The following TENM1 variants were observed in gnomAD, a reference collection of about 807,000 sequenced individuals.
TENM1 encodes the protein teneurin transmembrane protein 1.
In TENM1, 35 loss-of-function variants were observed where a neutral mutation model predicts 174.8. The ratio of observed to expected loss-of-function variants is 0.20; its 90% CI spans 0.15 to 0.27. The LOEUF (loss-of-function observed/expected upper bound fraction) is 0.27, where lower values mean the gene tolerates loss of function less well. Among genes scored for constraint, TENM1 ranks in the 10% least tolerant of loss-of-function variants. The pLI, the probability that TENM1 is intolerant of heterozygous loss-of-function variation, is 1.00. For missense variants in TENM1, 1,633 were observed against 2,130.1 expected, an observed-to-expected ratio of 0.77 and a Z score of 4.59; for synonymous variants, 781 against 798.7, an observed-to-expected ratio of 0.98 and a Z score of 0.37.
At chrX:124,848,981 T>C (rs1411151917) in intron 3 of TENM1, among the ~76,000 whole-genome samples, 2 of 111,638 alleles carry the variant, frequency 1.8e-5, no homozygotes, top group Admixed American at 9.5e-5. Flanking sequence ...TGGTTTAATT[T>C]TTCTTGTTTT....
chrX:124,411,548 C>T (rs994829807), intron 25 of TENM1, among the ~76,000 whole-genome samples: 14 of 111,754 alleles, frequency 1.3e-4, no homozygotes, highest in Admixed American at 9.5e-5. Flanking sequence ...AACTCCAACA[C>T]ACTCACATAC....
intron 11 of TENM1, among the ~76,000 whole-genome samples, chrX:124,587,221 G>T (rs1176746819): frequency 3.6e-5 from 4 of 110,072 alleles, no homozygotes; most frequent in African/African-American, 1.0e-4. Flanking sequence ...AAAAGAGCCC[G>T]CATTGCCAAG....
chrX:125,151,642 T>C, the TENM1 span, among the ~76,000 whole-genome samples: 2 of 112,256 alleles, frequency 1.8e-5, no homozygotes, highest in Non-Finnish European at 3.8e-5. Flanking sequence ...TGATTGTATC[T>C]TTTCAGTGAA....
At chrX:124,632,012 A>C (rs2050771905) in intron 11 of TENM1, among the ~76,000 whole-genome samples, 1 of 103,919 alleles carries the variant, frequency 9.6e-6, no homozygotes, top group Admixed American at 1.0e-4. Flanking sequence ...TCCCGGGTTC[A>C]AGCAATTCTC....
rs144380285 is a variant in TENM1 at position 124,817,943 on chromosome X, T to C, written c.535+76353A>G. Among the ~76,000 whole-genome samples, 429 of 111,837 alleles carry C rather than the reference T, an allele frequency of 3.8e-3. 2 individuals are homozygous for C. The highest frequency in any genetic ancestry group is 0.013 in the African/African-American group (413 of 30,875). On this transcript the variant is annotated intron_variant, in intron 3 of 31. Transcript: ENST00000422452. ...AGATACTGCATAAAACAATTGATGC[T>C]TGGAGTTTCATCTGGGGCCCTGAGA...
intron 3 of TENM1, among the ~76,000 whole-genome samples, chrX:124,851,070 T>A (rs2056711026): frequency 1.8e-5 from 2 of 112,043 alleles, no homozygotes; most frequent in Admixed American, 1.9e-4. Flanking sequence ...CTCTTCACTT[T>A]ATCAGCCAAA....
the TENM1 span, among the ~76,000 whole-genome samples, chrX:125,148,758 C>T: frequency 8.9e-6 from 1 of 111,734 alleles, no homozygotes; most frequent in Admixed American, 9.6e-5. Flanking sequence ...TTCTCTGTTG[C>T]TCCTTATTCT....
chrX:124,604,528 A>G (rs991788153), intron 11 of TENM1, among the ~76,000 whole-genome samples: 1 of 110,964 alleles, frequency 9.0e-6, no homozygotes, highest in Non-Finnish European at 1.9e-5. Flanking sequence ...CAGGTCCAAA[A>G]TCGTTGATGT....
the TENM1 span, among the ~76,000 whole-genome samples, chrX:125,014,709 G>A: frequency 4.5e-5 from 5 of 111,428 alleles, no homozygotes; most frequent in African/African-American, 6.5e-5. Context: ...CTGATTCTCA[G>A]TTGGGGGCCT....
chrX:124,564,511 C>T (rs2048897939), intron 12 of TENM1, among the ~76,000 whole-genome samples: 1 of 110,912 alleles, frequency 9.0e-6, no homozygotes, highest in Non-Finnish European at 1.9e-5. Flanking sequence ...TCTGTGTAGT[C>T]AAGGAATGCC....
At chrX:124,893,514 A>G (rs1055613178) in intron 3 of TENM1, among the ~76,000 whole-genome samples, 21 of 112,558 alleles carry the variant, frequency 1.9e-4, no homozygotes, top group Non-Finnish European at 2.4e-4. Flanking sequence ...CCTACATGTT[A>G]AAAACACTGT....
At chrX:124,643,203 T>A (rs990307303) in intron 10 of TENM1, among the ~76,000 whole-genome samples, 1 of 112,062 alleles carries the variant, frequency 8.9e-6, no homozygotes, top group East Asian at 2.8e-4. Flanking sequence ...AATAATAATT[T>A]TAATAAAGTA....
At chrX:124,898,798 A>T (rs2057606796) in intron 1 of TENM1, among the ~76,000 whole-genome samples, 1 of 112,153 alleles carries the variant, frequency 8.9e-6, no homozygotes. Context: ...TAATCTGATT[A>T]AAAATTACAT....
intron 11 of TENM1, among the ~76,000 whole-genome samples, chrX:124,592,296 G>A (rs983678440): frequency 6.3e-5 from 7 of 111,314 alleles, no homozygotes; most frequent in African/African-American, 2.0e-4. Flanking sequence ...TGAAGCTGTC[G>A]CTACATTCAG....
chrX:124,484,335 C>T (rs1209629882), intron 21 of TENM1, among the ~76,000 whole-genome samples: 1 of 111,666 alleles, frequency 9.0e-6, no homozygotes, highest in Non-Finnish European at 1.9e-5. Context: ...TGTAAAGATA[C>T]TCTTTCTCCC....
chrX:124,713,784 A>C (rs890076573), intron 4 of TENM1, among the ~76,000 whole-genome samples: 1 of 112,057 alleles, frequency 8.9e-6, no homozygotes, highest in African/African-American at 3.2e-5. Context: ...ATGGGTCTTG[A>C]ATCACTATGC....
intron 29 of TENM1, 117 bp downstream of exon 32, chrX:124,385,560 G>T: frequency 1.5e-6 from 1 of 674,458 alleles, no homozygotes; most frequent in Non-Finnish European, 2.2e-6. Context: ...GATAAGTAAA[G>T]TGAAAGTTGG....
intron 25 of TENM1, among the ~76,000 whole-genome samples, chrX:124,416,303 A>G (rs997315770): frequency 9.0e-6 from 1 of 111,647 alleles, no homozygotes; most frequent in Non-Finnish European, 1.9e-5. Flanking sequence ...TTCTGTCTTT[A>G]TGGATTTGCC....
At chrX:125,155,022 T>A in the TENM1 span, among the ~76,000 whole-genome samples, 1 of 111,753 alleles carries the variant, frequency 8.9e-6, no homozygotes, top group African/African-American at 3.3e-5. Flanking sequence ...TTGCCACTGC[T>A]GGCTCGGGCA....
Sources: allele counts gnomAD v4.1 joint callset (sites outside exome capture counted in the v4.1 genomes callset), GRCh38; gene constraint gnomAD v4.1.1; transcripts MANE v1.5; gene names NCBI Gene and HGNC (gene_info 2026-07-23, HGNC 2026-07-21).